KLRG1: variants seen among roughly 807,000 people sequenced by gnomAD.
KLRG1 encodes the protein killer cell lectin-like receptor subfamily G member 1.
Under a neutral mutation model 21.8 loss-of-function variants are expected in KLRG1, and 16 were observed. The ratio of observed to expected loss-of-function variants is 0.73; its 90% confidence interval spans 0.50 to 1.11. KLRG1 has a LOEUF of 1.11. Ranked by LOEUF, KLRG1 falls within the 50% of genes most tolerant of loss-of-function variation. KLRG1 has a pLI of 0.00. For missense variants in KLRG1, 173 were observed against 218.3 expected (o/e 0.79, Z 1.31); for synonymous variants, 69 against 75.9 (o/e 0.91, Z 0.47).
the KLRG1 span, chr12:9,113,362 C>A: frequency 6.2e-7 from 1 of 1,613,088 alleles, no homozygotes; most frequent in Non-Finnish European, 8.5e-7. Context: ...ACACTCACAG[C>A]GAAGGCGACA....
At chr12:9,153,419 A>G in the KLRG1 span, 21 of 1,265,608 alleles carry the variant, frequency 1.7e-5, no homozygotes, top group South Asian at 1.8e-4. Flanking sequence ...AGTCTGTGTT[A>G]GCCTACCATG....
At chr12:9,034,025 G>A in the KLRG1 span, among the ~76,000 whole-genome samples, 6 of 152,218 alleles carry the variant, frequency 3.9e-5, no homozygotes, top group African/African-American at 1.4e-4. Context: ...ATGTATCTCT[G>A]TGTAGGATCT....
chr12:9,029,271 A>G, the KLRG1 span, among the ~76,000 whole-genome samples: 1 of 152,074 alleles, frequency 6.6e-6, no homozygotes, highest in African/African-American at 2.4e-5. Flanking sequence ...ACTGGAGTGC[A>G]ATGGTGCAAG....
At chr12:9,156,433 A>T in the KLRG1 span, 13 of 155,622 alleles carry the variant, frequency 8.4e-5, no homozygotes, top group Non-Finnish European at 1.7e-4. Context: ...GTAGATAATT[A>T]TGATGGTAGC....
At chr12:8,967,237 A>G (rs1478919776) in intron 1 of KLRG1, among the ~76,000 whole-genome samples, 1 of 151,292 alleles carries the variant, frequency 6.6e-6, no homozygotes, top group Non-Finnish European at 1.5e-5. Flanking sequence ...CTAATGCTAA[A>G]TGACGATTTA....
chr12:9,152,170 A>C, the KLRG1 span: 2 of 1,294,774 alleles, frequency 1.5e-6, no homozygotes, highest in South Asian at 2.4e-5. Flanking sequence ...TAGTTTGGGG[A>C]TACAGAACAT....
At chr12:9,104,286 A>G in the KLRG1 span, 1 of 1,613,100 alleles carries the variant, frequency 6.2e-7, no homozygotes, top group Middle Eastern at 1.7e-4. Context: ...TTGATAGAGA[A>G]CTGTACAAGG....
chr12:9,068,047 T>G, the KLRG1 span: 16 of 1,126,628 alleles, frequency 1.4e-5, 2 homozygotes, highest in South Asian at 2.3e-4. Flanking sequence ...AATAAATGTG[T>G]TTTTCTATAA....
At chr12:9,130,989 A>G in the KLRG1 span, among the ~76,000 whole-genome samples, 1 of 152,162 alleles carries the variant, frequency 6.6e-6, no homozygotes, top group Non-Finnish European at 1.5e-5. Context: ...GTGTAAAATA[A>G]AGGTTTAACT....
the KLRG1 span, among the ~76,000 whole-genome samples, chr12:9,034,649 G>A: frequency 6.6e-6 from 1 of 152,136 alleles, no homozygotes; most frequent in African/African-American, 2.4e-5. Flanking sequence ...GTTTCATCAT[G>A]TTGGCCAGGC....
At chr12:9,099,344 T>A in the KLRG1 span, 1 of 1,537,458 alleles carries the variant, frequency 6.5e-7, no homozygotes, top group East Asian at 2.4e-5. Context: ...AACTTCTAGT[T>A]TTACATGTTG....
the KLRG1 span, among the ~76,000 whole-genome samples, chr12:9,105,554 C>A: frequency 6.6e-6 from 1 of 152,114 alleles, no homozygotes; most frequent in Admixed American, 6.5e-5. Flanking sequence ...CATTGAGGCA[C>A]ATGTAACTGT....
chr12:9,011,020 A>G (rs1039890827), downstream of KLRG1, among the ~76,000 whole-genome samples: 2 of 152,274 alleles, frequency 1.3e-5, no homozygotes, highest in Non-Finnish European at 2.9e-5. Context: ...GTGACTCTCA[A>G]TTAAGGATGT....
chr12:9,123,182 C>T, the KLRG1 span, among the ~76,000 whole-genome samples: 38,699 of 151,922 alleles, frequency 0.25, 5,680 homozygotes, highest in Admixed American at 0.33. Flanking sequence ...TCCCCTTATC[C>T]GAGGGGCATA....
chr12:9,212,139 C>T, the KLRG1 span, among the ~76,000 whole-genome samples: 5 of 152,338 alleles, frequency 3.3e-5, no homozygotes, highest in African/African-American at 1.2e-4. Flanking sequence ...AACCAAGTAA[C>T]AGGGCTGCCT....
At chr12:9,093,405 G>T in the KLRG1 span, 1 of 1,142,898 alleles carries the variant, frequency 8.7e-7, no homozygotes, top group Non-Finnish European at 1.3e-6. Flanking sequence ...AACTAGCAAA[G>T]AGTTGAAAAT....
the KLRG1 span, among the ~76,000 whole-genome samples, chr12:9,126,650 C>G: frequency 1.3e-5 from 2 of 152,308 alleles, no homozygotes; most frequent in East Asian, 3.9e-4. Context: ...AAATACCATA[C>G]TGCTCCAAGC....
chr12:8,960,871 T>C (rs1946370286), intron 1 of KLRG1, among the ~76,000 whole-genome samples: 1 of 152,206 alleles, frequency 6.6e-6, no homozygotes, highest in African/African-American at 2.4e-5. Flanking sequence ...CTCCTCTCAT[T>C]TGACCCACTC....
At chr12:9,042,053 T>C in the KLRG1 span, among the ~76,000 whole-genome samples, 1 of 152,180 alleles carries the variant, frequency 6.6e-6, no homozygotes, top group African/African-American at 2.4e-5. Flanking sequence ...ACATTTTTTA[T>C]TGGGAGCTAG....
Sources: gnomAD v4.1 joint callset for allele counts (sites outside exome capture counted in the v4.1 genomes callset) on GRCh38, gnomAD v4.1.1 for gene constraint, MANE v1.5 for transcripts, NCBI Gene and HGNC (gene_info 2026-07-23, HGNC 2026-07-21) for gene names.